Variants in SUPT3H observed in about 807,000 individuals in gnomAD.
SUPT3H encodes the protein SPT3 homolog, SAGA and STAGA complex component.
Under a neutral mutation model 44.3 loss-of-function variants are expected in SUPT3H, and 44 were observed. That is an observed-to-expected ratio of 0.99 (90% CI 0.78 to 1.28). The LOEUF (loss-of-function observed/expected upper bound fraction) is 1.28. Among genes scored for constraint, SUPT3H ranks in the 50% most tolerant of loss-of-function variants. SUPT3H has a pLI of 0.00. For missense variants in SUPT3H, 380 were observed against 387.1 expected (o/e 0.98, Z 0.15); for synonymous variants, 124 against 125.6 (o/e 0.99, Z 0.09).
At chr6:45,299,322 CA>C (rs2149912948) in intron 2 of SUPT3H, among the ~76,000 whole-genome samples, 2 of 112,592 alleles carry the variant, frequency 1.8e-5, no homozygotes, top group South Asian at 6.1e-4. Context: ...GGCAACACAG[CA>C]AGACTCTGCC....
chr6:44,960,214 C>G (rs1753867018), intron 7 of SUPT3H, among the ~76,000 whole-genome samples: 1 of 151,858 alleles, frequency 6.6e-6, no homozygotes, highest in Non-Finnish European at 1.5e-5. Context: ...CAAGACCACC[C>G]TGGCCAACAT....
intron 1 of SUPT3H, among the ~76,000 whole-genome samples, chr6:45,375,777 T>C (rs1251411568): frequency 6.6e-6 from 1 of 152,002 alleles, no homozygotes; most frequent in Non-Finnish European, 1.5e-5. Flanking sequence ...AGGTTTTTTA[T>C]TTGTTCTTTT....
chr6:45,009,086 CT>C (rs538225053), intron 5 of SUPT3H, among the ~76,000 whole-genome samples: 9 of 152,072 alleles, frequency 5.9e-5, no homozygotes, highest in Non-Finnish European at 1.2e-4. Context: ...TTGTAGAAAT[CT>C]CTATTCAGAC....
rs377047843 is a variant in SUPT3H at position 45,180,071 on chromosome 6, T to C, written c.102-74065A>G. ...AATCACAAGCATTCTTATACACCAA[T>C]AACAGACAAACAGAGAGCCAAATCA... On this transcript the variant is annotated intron_variant, in intron 2 of 10. Coordinates refer to ENST00000371459, the MANE Select transcript of SUPT3H (RefSeq NM_003599.4). Among the ~76,000 whole-genome samples, 32 of 148,786 alleles carry C rather than the reference T, an allele frequency of 2.2e-4. No homozygotes were observed. In the East Asian group the frequency reaches 5.3e-3, roughly 25 times the overall value.
In SUPT3H at chr6:45,290,455, T is replaced by TTAAAAA. The variant is rs67882992; in HGVS notation, c.101+74745_101+74746insTTTTTA. 2.3e-3 allele frequency among the ~76,000 whole-genome samples: 200 copies of TTAAAAA among 85,922 alleles called. 4 individuals carry two copies. Among genetic ancestry groups the TTAAAAA allele is most frequent in the African/African-American group, 9.4e-3 (186 of 19,854 alleles). 56.4% of individuals were successfully genotyped at this position (85,922 alleles called of 152,430 possible). A position where few individuals can be genotyped will look rare whatever the true frequency, so the allele number is the denominator to read the frequency against. On this transcript the variant is annotated intron_variant, in intron 2 of 10. Coordinates refer to ENST00000371459, the MANE Select transcript of SUPT3H (RefSeq NM_003599.4). ...TGGAAAAAGATCAGGGCATGGATGA[T>TTAAAAA]CAAAAAAAAAAAAAAAAAGCAGAGG...
chr6:44,818,376 TAGG>T (rs1165694506), intron 11 of SUPT3H, among the ~76,000 whole-genome samples: 1 of 151,878 alleles, frequency 6.6e-6, no homozygotes, highest in African/African-American at 2.4e-5. Context: ...AAAGAAAACA[TAGG>T]AGAAAGAAAG....
intron 2 of SUPT3H, among the ~76,000 whole-genome samples, chr6:45,154,896 A>G (rs569660477): frequency 6.8e-4 from 104 of 152,236 alleles, no homozygotes; most frequent in Non-Finnish European, 1.1e-3. Context: ...CAGAGGGCAA[A>G]GGGGAAGCTC....
chr6:45,350,424 A>C (rs544118394), intron 2 of SUPT3H, among the ~76,000 whole-genome samples: 9 of 152,352 alleles, frequency 5.9e-5, no homozygotes, highest in African/African-American at 2.2e-4. Flanking sequence ...AATTTGTAAT[A>C]CACACCATTT....
rs74351843 is a variant in SUPT3H at position 44,814,394 on chromosome 6, G to A, written c.*53-4893C>T. Among the ~76,000 whole-genome samples, 679 of 152,208 alleles carry A rather than the reference G, an allele frequency of 4.5e-3. 4 individuals carry two copies. Among genetic ancestry groups the A allele is most frequent in the Non-Finnish European group, 7.1e-3 (486 of 68,000 alleles). On this transcript the variant is annotated intron_variant and NMD_transcript_variant, in intron 11 of 11. Transcript: ENST00000475057. ...CCAGCAGAGGAGCAGGTGTCCCTGA[G>A]AATCCAAACTTCCCAGAGAGTATCT...
chr6:45,164,371 T>C (rs1327590951), intron 2 of SUPT3H, among the ~76,000 whole-genome samples: 1 of 152,218 alleles, frequency 6.6e-6, no homozygotes, highest in East Asian at 1.9e-4. Flanking sequence ...TGTTTGTTCA[T>C]ATTTTCCTTA....
At chr6:45,104,601 G>C (rs1432545088) in intron 3 of SUPT3H, among the ~76,000 whole-genome samples, 1 of 151,924 alleles carries the variant, frequency 6.6e-6, no homozygotes, top group Non-Finnish European at 1.5e-5. Context: ...GGCTCATCTT[G>C]AATCTGTAGA....
intron 2 of SUPT3H, among the ~76,000 whole-genome samples, chr6:45,131,781 G>A (rs1803506631): frequency 6.6e-6 from 1 of 152,080 alleles, no homozygotes; most frequent in South Asian, 2.1e-4. Flanking sequence ...AGAAAAACAG[G>A]TGAATTATAG....
chr6:44,975,712 T>C (rs1374878021), intron 6 of SUPT3H, among the ~76,000 whole-genome samples: 1 of 152,048 alleles, frequency 6.6e-6, no homozygotes, highest in East Asian at 1.9e-4. Flanking sequence ...CACCTGTTCC[T>C]CAAACACTAT....
chr6:45,071,457 T>A (rs1794369280), intron 3 of SUPT3H, among the ~76,000 whole-genome samples: 1 of 152,086 alleles, frequency 6.6e-6, no homozygotes, highest in Admixed American at 6.6e-5. Flanking sequence ...CTTATTATGC[T>A]TGGAGTCAAG....
chr6:44,850,085 TA>T (rs983461604), intron 10 of SUPT3H, among the ~76,000 whole-genome samples: 42 of 152,172 alleles, frequency 2.8e-4, no homozygotes, highest in African/African-American at 1.0e-3. Context: ...AGATGATGAC[TA>T]AAATCTGTGA....
intron 5 of SUPT3H, among the ~76,000 whole-genome samples, chr6:45,009,791 T>C (rs1311081273): frequency 6.6e-6 from 1 of 152,162 alleles, no homozygotes; most frequent in Non-Finnish European, 1.5e-5. Flanking sequence ...GGTATTCTAG[T>C]TCCCTCACGA....
At chr6:45,036,117 C>T (rs1044348007) in intron 3 of SUPT3H, among the ~76,000 whole-genome samples, 11 of 152,194 alleles carry the variant, frequency 7.2e-5, no homozygotes, top group African/African-American at 2.6e-4. Flanking sequence ...ACAGATAACG[C>T]CCATGTTGTC....
intron 10 of SUPT3H, among the ~76,000 whole-genome samples, chr6:44,894,665 AG>A (rs1763841193): frequency 6.6e-6 from 1 of 152,088 alleles, no homozygotes; most frequent in South Asian, 2.1e-4. Flanking sequence ...TGATGCCTCC[AG>A]CTTTGTTCTT....
At chr6:45,161,801 T>C (rs1809025373) in intron 2 of SUPT3H, among the ~76,000 whole-genome samples, 1 of 152,198 alleles carries the variant, frequency 6.6e-6, no homozygotes, top group South Asian at 2.1e-4. Context: ...CAAGTAGACA[T>C]TTTATTTTAT....
Sources: allele counts gnomAD v4.1 joint callset (sites outside exome capture counted in the v4.1 genomes callset), GRCh38; gene constraint gnomAD v4.1.1; transcripts MANE v1.5; gene names NCBI Gene and HGNC (gene_info 2026-07-23, HGNC 2026-07-21).